The following PRKG1 variants were observed in gnomAD, a reference collection of about 807,000 sequenced individuals.
PRKG1 encodes cGMP-dependent protein kinase 1.
A neutral mutation model predicts 88.1 loss-of-function variants in PRKG1; 35 were observed. The ratio of observed to expected loss-of-function variants is 0.40; its 90% CI spans 0.30 to 0.53. The LOEUF is 0.53. Among genes scored for constraint, PRKG1 ranks in the 20% least tolerant of loss-of-function variants. The pLI, the probability that PRKG1 is intolerant of heterozygous loss-of-function variation, is 0.59. For missense variants in PRKG1, 540 were observed against 839.8 expected, an observed-to-expected ratio of 0.64 and a Z score of 4.41; for synonymous variants, 303 against 292.5, an observed-to-expected ratio of 1.04 and a Z score of -0.37.
At chr10:51,405,793 T>A (rs1837892747) in intron 2 of PRKG1, among the ~76,000 whole-genome samples, 1 of 152,170 alleles carries the variant, frequency 6.6e-6, no homozygotes, top group South Asian at 2.1e-4. Context: ...AGAGAATGGA[T>A]GTGGAAACCA....
intron 5 of PRKG1, among the ~76,000 whole-genome samples, chr10:51,942,006 G>A (rs1212017444): frequency 6.6e-6 from 1 of 151,840 alleles, no homozygotes; most frequent in African/African-American, 2.4e-5. Flanking sequence ...TTCTAGTTCT[G>A]GATCCCTGAG....
At chr10:51,543,429 A>T (rs889376936) in intron 3 of PRKG1, among the ~76,000 whole-genome samples, 3 of 152,186 alleles carry the variant, frequency 2.0e-5, no homozygotes, top group African/African-American at 7.2e-5. Flanking sequence ...ATGTTTGAAA[A>T]CTATAATCAC....
intron 3 of PRKG1, among the ~76,000 whole-genome samples, chr10:51,693,829 G>A (rs985751425): frequency 6.6e-6 from 1 of 152,134 alleles, no homozygotes; most frequent in African/African-American, 2.4e-5. Flanking sequence ...ATGAATATTT[G>A]TGAAGGTGAA....
chr10:50,997,285 C>T (rs1250241297), intron 1 of PRKG1, among the ~76,000 whole-genome samples: 1 of 152,116 alleles, frequency 6.6e-6, no homozygotes, highest in East Asian at 1.9e-4. Flanking sequence ...GTTCAAGTTC[C>T]AGAGTCTTGT....
intron 5 of PRKG1, among the ~76,000 whole-genome samples, chr10:51,943,148 A>T (rs1304723049): frequency 6.6e-6 from 1 of 151,934 alleles, no homozygotes; most frequent in African/African-American, 2.4e-5. Flanking sequence ...GTTTGTAGTT[A>T]TCCTTGAAGA....
chr10:51,822,718 G>A (rs1395546397), intron 4 of PRKG1, among the ~76,000 whole-genome samples: 1 of 152,108 alleles, frequency 6.6e-6, no homozygotes, highest in Non-Finnish European at 1.5e-5. Context: ...AGGCTTAGGG[G>A]GCTAATAATT....
At chr10:52,174,925 A>G (rs1056909563) in intron 9 of PRKG1, among the ~76,000 whole-genome samples, 6 of 152,072 alleles carry the variant, frequency 3.9e-5, no homozygotes, top group South Asian at 2.1e-4. Flanking sequence ...GTTCCAATAC[A>G]TATAATGTAT....
chr10:52,053,901 A>C (rs576653891), intron 5 of PRKG1, among the ~76,000 whole-genome samples: 1 of 152,290 alleles, frequency 6.6e-6, no homozygotes, highest in Non-Finnish European at 1.5e-5. Context: ...GGGTCGTCTA[A>C]CCCACAATAA....
rs554945224 is a variant in PRKG1 at position 51,875,620 on chromosome 10, G to C, written c.699-31887G>C. ...TCACCTAATGAAATTTTTAAAAAAT[G>C]TTTTGATTGACAAAGTATCTTTCGA... On this transcript the variant is annotated intron_variant, in intron 4 of 17. Transcript: ENST00000373980. 1.5e-3 allele frequency among the ~76,000 whole-genome samples: 221 copies of C among 152,200 alleles called. 1 individual carries two copies. Among genetic ancestry groups the C allele is most frequent in the African/African-American group, 4.9e-3 (202 of 41,534 alleles).
intron 3 of PRKG1, among the ~76,000 whole-genome samples, chr10:51,708,316 A>T (rs1293502815): frequency 1.3e-5 from 2 of 152,120 alleles, no homozygotes; most frequent in African/African-American, 4.8e-5. Flanking sequence ...GACCTCATTT[A>T]ATTATAATTA....
At position 51,714,680 on chromosome 10, in the gene PRKG1, T is replaced by G. The variant is rs145279141; in HGVS notation, c.593-89905T>G. 4.4e-3 allele frequency among the ~76,000 whole-genome samples: 676 copies of G among 152,292 alleles called. 2 individuals are homozygous for G. The highest frequency in any genetic ancestry group is 0.016 in the African/African-American group (654 of 41,552). ...ATGTCACCCAATGGCCATGACACTT[T>G]CCTGTGGTCACTGAAAGACTGATTT... On this transcript the variant is annotated intron_variant, in intron 3 of 17. Transcript: ENST00000373980.
At chr10:52,249,309 G>A (rs1436521651) in intron 9 of PRKG1, among the ~76,000 whole-genome samples, 3 of 151,392 alleles carry the variant, frequency 2.0e-5, no homozygotes, top group African/African-American at 7.3e-5. Flanking sequence ...AAAATCTTGT[G>A]TGACTTATGG....
chr10:51,452,006 A>G (rs1839451205), intron 2 of PRKG1, among the ~76,000 whole-genome samples: 2 of 151,934 alleles, frequency 1.3e-5, no homozygotes, highest in Admixed American at 1.3e-4. Flanking sequence ...CTTATAATTG[A>G]ACAATTACTA....
At chr10:51,634,136 T>A (rs935632351) in intron 3 of PRKG1, among the ~76,000 whole-genome samples, 1 of 152,138 alleles carries the variant, frequency 6.6e-6, no homozygotes, top group African/African-American at 2.4e-5. Context: ...AATAGAGATT[T>A]GGACAAAGCT....
intron 4 of PRKG1, among the ~76,000 whole-genome samples, chr10:51,897,339 G>T (rs981893358): frequency 6.6e-6 from 1 of 152,116 alleles, no homozygotes; most frequent in Non-Finnish European, 1.5e-5. Flanking sequence ...CTAATTTGAT[G>T]CAGAGATGAT....
At chr10:52,255,892 C>T (rs1258749768) in intron 10 of PRKG1, among the ~76,000 whole-genome samples, 3 of 151,826 alleles carry the variant, frequency 2.0e-5, no homozygotes, top group East Asian at 3.9e-4. Flanking sequence ...TTCATTTGAA[C>T]CCTACTTTAT....
intron 2 of PRKG1, chr10:51,245,640 A>G (rs887993943): frequency 7.9e-5 from 12 of 152,114 alleles, no homozygotes; most frequent in African/African-American, 2.7e-4. Flanking sequence ...TATATAATTT[A>G]TTGATATAAT....
chr10:51,735,930 CTTTTTTTTTTTT>C (rs1180307253), intron 3 of PRKG1, among the ~76,000 whole-genome samples: 5 of 74,966 alleles, frequency 6.7e-5, no homozygotes, highest in South Asian at 8.7e-4. Context: ...TTTAAGTTGT[CTTTTTTTTTTTT>C]TTTTTTTTTT....
chr10:51,623,436 A>G (rs958628395), intron 3 of PRKG1, among the ~76,000 whole-genome samples: 1 of 152,188 alleles, frequency 6.6e-6, no homozygotes, highest in African/African-American at 2.4e-5. Context: ...TCCTGGGCTC[A>G]AGCAGTCTGC....
Sources: allele counts gnomAD v4.1 joint callset (sites outside exome capture counted in the v4.1 genomes callset), GRCh38; gene constraint gnomAD v4.1.1; transcripts MANE v1.5; gene names NCBI Gene and HGNC (gene_info 2026-07-23, HGNC 2026-07-21).